Variants in PPFIBP1 observed in about 807,000 individuals in gnomAD.
The protein encoded by PPFIBP1 is PPFIB scaffold protein 1.
PPFIBP1 carries 112 observed loss-of-function variants against 137.8 expected under a neutral mutation model. The ratio of observed to expected loss-of-function variants is 0.81; its 90% CI spans 0.70 to 0.95. The LOEUF (loss-of-function observed/expected upper bound fraction) is 0.95. Ranked by LOEUF, PPFIBP1 falls within the 40% of genes least tolerant of loss-of-function variation. PPFIBP1 has a pLI of 0.00. For synonymous variants in PPFIBP1, 378 were observed against 417.3 expected (o/e 0.91, Z 1.15); for missense variants, 1,083 against 1,196.6 (o/e 0.91, Z 1.40).
At chr12:27,661,957 T>A (rs2059581221) in intron 11 of PPFIBP1, among the ~76,000 whole-genome samples, 1 of 152,202 alleles carries the variant, frequency 6.6e-6, no homozygotes, top group African/African-American at 2.4e-5. Context: ...ACTGTAACTT[T>A]TATTTTTTTT....
chr12:27,550,398 AT>A (rs1305491703), intron 1 of PPFIBP1, among the ~76,000 whole-genome samples: 1 of 152,242 alleles, frequency 6.6e-6, no homozygotes, highest in Non-Finnish European at 1.5e-5. Flanking sequence ...TTCAGGAACT[AT>A]TTTAACATTT....
chr12:27,688,987 A>T, intron 26 of PPFIBP1, 28 bp from the exon 27 acceptor site: 1 of 1,571,778 alleles, frequency 6.4e-7, no homozygotes, highest in Non-Finnish European at 8.6e-7. Context: ...GTGACTTTTG[A>T]CAAGCTTTTT....
intron 2 of PPFIBP1, among the ~76,000 whole-genome samples, chr12:27,625,761 T>C (rs1166985894): frequency 6.6e-6 from 1 of 151,952 alleles, no homozygotes; most frequent in African/African-American, 2.4e-5. Context: ...TTTTTGTATT[T>C]TTAGTAGAGA....
Position 27,593,871 on chromosome 12 carries a change from T to C in PPFIBP1, c.-36+15632T>C, listed in dbSNP as rs573812667. ...CTTTCAGTCCCCCATGCCCCTTGGA[T>C]GGGAGGGAGAAAGTGGATGGAAGGA... On this transcript the variant is annotated intron_variant, in intron 2 of 29. Coordinates refer to ENST00000228425, the MANE Select transcript of PPFIBP1 (RefSeq NM_003622.4). 1.4e-4 allele frequency: 199 copies of C among 1,451,156 alleles called. 2 individuals carry two copies. The highest frequency in any genetic ancestry group is 9.1e-4 in the Middle Eastern group (5 of 5,474). The allele number at this position is 1,451,156 out of a possible 1,614,324, so 89.9% of individuals were successfully genotyped here.
intron 19 of PPFIBP1, chr12:27,677,879 TA>T (rs2060624913): frequency 6.6e-6 from 1 of 152,292 alleles, no homozygotes; most frequent in South Asian, 2.1e-4. Flanking sequence ...TTACCTTGTA[TA>T]GATATCCACC....
At position 27,646,081 on chromosome 12, in the gene PPFIBP1, G is replaced by C; in HGVS notation, c.290G>C (p.Gly97Ala). The change falls in exon 5 of 30, where the codon GGG (glycine) becomes GCG (alanine). Residue 97 changes from glycine to alanine, a missense_variant. Coordinates refer to ENST00000228425, the MANE Select transcript of PPFIBP1 (RefSeq NM_003622.4). ...QSQMTNGHLP[G>A]NGDVYQERLA... ...TTTCAGACAAATGGACACCTACCAGGGAACGGAGATGTGTATCAAGAAAGG... is the reference window on the plus strand; with the variant it reads ...TTTCAGACAAATGGACACCTACCAGCGAACGGAGATGTGTATCAAGAAAGG... 3.7e-6 allele frequency: 6 copies of C among 1,609,526 alleles called. No individual in the cohort carries two copies. In the South Asian group the frequency reaches 6.6e-5, roughly 18 times the overall value.
intron 4 of PPFIBP1, among the ~76,000 whole-genome samples, chr12:27,644,257 T>G (rs1593081256): frequency 2.2e-5 from 1 of 45,492 alleles, no homozygotes; most frequent in Non-Finnish European, 5.7e-5. Flanking sequence ...TTTTTTTTTT[T>G]TTTTTTTTTT....
In PPFIBP1 at chr12:27,592,287, G is replaced by T. The variant is rs528896670; in HGVS notation, c.-36+14048G>T. 7.9e-5 allele frequency among the ~76,000 whole-genome samples: 12 copies of T among 152,286 alleles called. 1 individual carries two copies. The South Asian group carries it at 2.3e-3, about 29-fold the overall frequency. On this transcript the variant is annotated intron_variant, in intron 2 of 29. Transcript: ENST00000228425. ...TGTCAACTTGAGAAGCTTCAAAAAAGAACAGCACATATGCTTTCAATGTGA... is the reference window on the plus strand; with the variant it reads ...TGTCAACTTGAGAAGCTTCAAAAAATAACAGCACATATGCTTTCAATGTGA...
chr12:27,589,022 C>G (rs1306255831), intron 2 of PPFIBP1, among the ~76,000 whole-genome samples: 1 of 152,062 alleles, frequency 6.6e-6, no homozygotes, highest in African/African-American at 2.4e-5. Flanking sequence ...GAAAGCACAG[C>G]GTTGTTCTAT....
chr12:27,595,229 C>T (rs571181992), intron 2 of PPFIBP1, among the ~76,000 whole-genome samples: 2 of 152,378 alleles, frequency 1.3e-5, no homozygotes, highest in Non-Finnish European at 1.5e-5. Flanking sequence ...TGGAAGAATG[C>T]GTGCACACGC....
intron 2 of PPFIBP1, among the ~76,000 whole-genome samples, chr12:27,622,756 T>G (rs528587024): frequency 1.3e-4 from 20 of 152,306 alleles, no homozygotes; most frequent in African/African-American, 4.6e-4. Context: ...CAATCAATAT[T>G]TGTTGCAGGT....
intron 2 of PPFIBP1, among the ~76,000 whole-genome samples, chr12:27,618,511 A>G (rs1204204420): frequency 5.3e-5 from 8 of 152,204 alleles, no homozygotes; most frequent in Admixed American, 3.3e-4. Flanking sequence ...ATCCCTTTCT[A>G]TTGATAGTAA....
intron 1 of PPFIBP1, among the ~76,000 whole-genome samples, chr12:27,550,855 A>G (rs116044167): frequency 0.024 from 3,639 of 152,158 alleles, 148 homozygotes; most frequent in African/African-American, 0.084. Context: ...AAATAAGAGG[A>G]CAATTAACAT....
chr12:27,596,396 T>C (rs1383234665), intron 2 of PPFIBP1, among the ~76,000 whole-genome samples: 1 of 152,236 alleles, frequency 6.6e-6, no homozygotes, highest in East Asian at 1.9e-4. Context: ...ACCCAATAGA[T>C]GCAGCCTGGC....
At chr12:27,535,654 T>C (rs1247163695) in intron 1 of PPFIBP1, among the ~76,000 whole-genome samples, 1 of 152,202 alleles carries the variant, frequency 6.6e-6, no homozygotes, top group South Asian at 2.1e-4. Flanking sequence ...TTGCCTTGGC[T>C]TCCCAAGATG....
intron 1 of PPFIBP1, among the ~76,000 whole-genome samples, chr12:27,562,822 A>G (rs1269690452): frequency 6.6e-6 from 1 of 152,244 alleles, no homozygotes; most frequent in Non-Finnish European, 1.5e-5. Context: ...AATATTTAAC[A>G]GAGTCATTTG....
At chr12:27,532,210 TAA>T (rs1944493648) in intron 1 of PPFIBP1, among the ~76,000 whole-genome samples, 1 of 152,208 alleles carries the variant, frequency 6.6e-6, no homozygotes, top group African/African-American at 2.4e-5. Flanking sequence ...ATCTTTACCT[TAA>T]GAGTATTCAC....
intron 2 of PPFIBP1, among the ~76,000 whole-genome samples, chr12:27,628,040 T>G (rs530263089): frequency 6.6e-6 from 1 of 152,050 alleles, no homozygotes; most frequent in African/African-American, 2.4e-5. Context: ...TTCACTCCTT[T>G]GTTGTGGTAG....
At chr12:27,661,111 G>A (rs1439101569) in intron 11 of PPFIBP1, among the ~76,000 whole-genome samples, 166 bp downstream of exon 11, 3 of 152,240 alleles carry the variant, frequency 2.0e-5, no homozygotes, top group Non-Finnish European at 4.4e-5. Flanking sequence ...CACAGGAATA[G>A]GGAGGAGCTG....
Sources: gnomAD v4.1 joint callset for allele counts (sites outside exome capture counted in the v4.1 genomes callset) on GRCh38, gnomAD v4.1.1 for gene constraint, MANE v1.5 for transcripts, NCBI Gene and HGNC (gene_info 2026-07-23, HGNC 2026-07-21) for gene names.